The following SVOP variants were observed in gnomAD, a reference collection of about 807,000 sequenced individuals.
The protein encoded by SVOP is synaptic vesicle 2-related protein.
A neutral mutation model predicts 69.1 loss-of-function variants in SVOP; 17 were observed. The observed-to-expected ratio is 0.25, with a 90% CI of 0.17 to 0.37. SVOP has a LOEUF of 0.37. Ranked by LOEUF, SVOP falls within the 10% of genes least tolerant of loss-of-function variation. The pLI is 1.00. For missense variants in SVOP, 435 were observed against 597.5 expected, an observed-to-expected ratio of 0.73 and a Z score of 2.84; for synonymous variants, 238 against 238.6, an observed-to-expected ratio of 1.00 and a Z score of 0.02.
chr12:109,021,047 G>T lies in SVOP; in HGVS notation c.-179C>A. The T allele has an allele frequency of 1.8e-6, 1 of 559,838 alleles. No homozygotes were observed. Among genetic ancestry groups the T allele is most frequent in the Admixed American group, 3.3e-5 (1 of 30,080 alleles). 34.7% of individuals were successfully genotyped at this position (559,838 alleles called of 1,614,324 possible). On this transcript the variant is annotated 5_prime_UTR_variant, in exon 1 of 16. Coordinates refer to ENST00000610966, the MANE Select transcript of SVOP (RefSeq NM_018711.5). ...CAGCCCACGAGACAAAGCCTCCGCC[G>T]CCAGGAGACCGCGGCGAGAGTGGGC...
intron 10 of SVOP, among the ~76,000 whole-genome samples, chr12:108,935,549 TCG>T (rs1363843240): frequency 6.6e-6 from 1 of 152,196 alleles, no homozygotes; most frequent in South Asian, 2.1e-4. Flanking sequence ...TCTTAGGAAT[TCG>T]GGGCAGAGCT....
At chr12:108,956,438 A>C (rs1329278662) in intron 6 of SVOP, among the ~76,000 whole-genome samples, 1 of 152,152 alleles carries the variant, frequency 6.6e-6, no homozygotes, top group Non-Finnish European at 1.5e-5. Context: ...AGCAGGACTG[A>C]ACAGATCCCC....
intron 6 of SVOP, among the ~76,000 whole-genome samples, chr12:108,951,178 G>T (rs923006344): frequency 1.1e-4 from 17 of 152,186 alleles, no homozygotes; most frequent in African/African-American, 3.9e-4. Flanking sequence ...TCTGAGGCAG[G>T]TTTCAAGGTA....
intron 1 of SVOP, among the ~76,000 whole-genome samples, chr12:108,996,971 A>G (rs1457293428): frequency 6.6e-6 from 1 of 152,198 alleles, no homozygotes; most frequent in Non-Finnish European, 1.5e-5. Context: ...AGATGGCCGA[A>G]TAGGAACAGC....
chr12:108,928,896 A>G (rs1234247653), intron 11 of SVOP, among the ~76,000 whole-genome samples: 1 of 152,204 alleles, frequency 6.6e-6, no homozygotes, highest in African/African-American at 2.4e-5. Context: ...GAAGCAAATC[A>G]TAAAACCCTC....
intron 5 of SVOP, among the ~76,000 whole-genome samples, chr12:108,964,446 G>C (rs2040033889): frequency 6.6e-6 from 1 of 151,600 alleles, no homozygotes. Context: ...GACTTAATTG[G>C]CATCAGCGGG....
rs5800841 is a variant in SVOP, at chr12:109,006,043, G to GTTGTT, written c.35+14786_35+14790dup. ...AGGAGGAATCAATGGAGGAAAGTGGGTTGTTTTGTTTTGTTTTGTTTTGTT... is the reference window on the plus strand; with the variant it reads ...AGGAGGAATCAATGGAGGAAAGTGGGTTGTTTTGTTTTGTTTTGTTTTGTTTTGTT... On this transcript the variant is annotated intron_variant, in intron 1 of 15. Transcript: ENST00000610966. 9.5e-4 allele frequency among the ~76,000 whole-genome samples: 145 copies of GTTGTT among 152,034 alleles called. 1 individual carries two copies. The highest frequency in any genetic ancestry group is 6.8e-3 in the Middle Eastern group (2 of 294).
rs375451387 is a variant in SVOP, at chr12:108,919,756, C to T, written c.1187G>A (p.Arg396His). The T allele has an allele frequency of 4.4e-5, 70 of 1,602,952 alleles. No homozygotes were observed. Among genetic ancestry groups the T allele is most frequent in the Middle Eastern group, 1.7e-4 (1 of 6,052 alleles). Residue 396 changes from arginine to histidine, a missense_variant, in exon 13 of 16, where the codon CGC (arginine) becomes CAC (histidine). Transcript: ENST00000610966. ...GVLVTLWIID[R>H]LGRKKTMALC... ...GGCCATGGTCTTCTTGCGCCCCAGG[C>T]GGTCAATAATCCACAGAGTCACAAG...
intron 11 of SVOP, among the ~76,000 whole-genome samples, chr12:108,930,050 C>A (rs2039806555): frequency 1.3e-5 from 2 of 152,110 alleles, no homozygotes; most frequent in Non-Finnish European, 2.9e-5. Context: ...TGGTCCCTTG[C>A]CTGTTTTTTG....
chr12:108,961,110 C>T, intron 5 of SVOP, 63 bp from the exon 6 acceptor site: 3 of 1,488,622 alleles, frequency 2.0e-6, no homozygotes, highest in Non-Finnish European at 2.7e-6. Flanking sequence ...GCGTTTGCAC[C>T]TCACTGAGAG....
chr12:108,965,103 GGC>G (rs1210524347), intron 5 of SVOP, among the ~76,000 whole-genome samples: 2 of 152,122 alleles, frequency 1.3e-5, no homozygotes, highest in Non-Finnish European at 2.9e-5. Context: ...CTAGGCCCTG[GGC>G]TACCGTAAGG....
intron 1 of SVOP, among the ~76,000 whole-genome samples, chr12:108,988,350 C>G (rs1056476138): frequency 6.6e-6 from 1 of 152,148 alleles, no homozygotes; most frequent in Non-Finnish European, 1.5e-5. Context: ...ATATTTTCTT[C>G]TCAACTTTTA....
chr12:108,938,551 G>C (rs1160116247), intron 9 of SVOP, among the ~76,000 whole-genome samples: 1 of 152,198 alleles, frequency 6.6e-6, no homozygotes, highest in African/African-American at 2.4e-5. Context: ...GCAGTTACAG[G>C]ACCCATTAGC....
At chr12:108,931,832 CAAAA>C (rs34806582) in intron 11 of SVOP, among the ~76,000 whole-genome samples, 13 of 126,492 alleles carry the variant, frequency 1.0e-4, no homozygotes, top group East Asian at 2.2e-4. Flanking sequence ...GACTCCGTCT[CAAAA>C]AAAAAAAAAA....
intron 11 of SVOP, among the ~76,000 whole-genome samples, chr12:108,924,279 T>C (rs1041681660): frequency 6.6e-6 from 1 of 152,146 alleles, no homozygotes; most frequent in African/African-American, 2.4e-5. Context: ...GTTTCTAAGT[T>C]ACCCAGTCTA....
chr12:108,981,547 G>A lies in SVOP; in HGVS notation c.196+2054C>T, dbSNP rs983622544. Among the ~76,000 whole-genome samples the A allele has an allele frequency of 3.5e-4, 39 of 111,362 alleles. 1 individual carries two copies. In the South Asian group the frequency reaches 5.0e-3, roughly 14 times the overall value. The allele number at this position is 111,362 out of a possible 152,430, so 73.1% of individuals were successfully genotyped here. On this transcript the variant is annotated intron_variant, in intron 2 of 15. Transcript: ENST00000610966. ...ACCGCCTCAGAGTCAGAACAAGGTCGTGGGTAAGAATGTGGGCTCTGAGGC... is the reference window on the plus strand; with the variant it reads ...ACCGCCTCAGAGTCAGAACAAGGTCATGGGTAAGAATGTGGGCTCTGAGGC...
chr12:108,964,004 T>A (rs1566058415), intron 5 of SVOP, among the ~76,000 whole-genome samples: 1 of 152,176 alleles, frequency 6.6e-6, no homozygotes, highest in African/African-American at 2.4e-5. Context: ...TATTACAATT[T>A]TTTTATTAGC....
intron 7 of SVOP, among the ~76,000 whole-genome samples, chr12:108,942,996 C>T (rs1263041987): frequency 1.3e-5 from 2 of 151,974 alleles, no homozygotes; most frequent in African/African-American, 4.8e-5. Context: ...TGACCTCAAG[C>T]AATCTGCCCA....
chr12:108,977,047 A>C (rs1056301207), intron 4 of SVOP, among the ~76,000 whole-genome samples: 3 of 152,214 alleles, frequency 2.0e-5, no homozygotes, highest in Non-Finnish European at 2.9e-5. Context: ...TATGCCAGGC[A>C]CTGTGTTGTT....
Sources: allele counts gnomAD v4.1 joint callset (sites outside exome capture counted in the v4.1 genomes callset), GRCh38; gene constraint gnomAD v4.1.1; transcripts MANE v1.5; gene names NCBI Gene and HGNC (gene_info 2026-07-23, HGNC 2026-07-21).